Variants in ZBTB7C observed in about 807,000 individuals in gnomAD.
ZBTB7C encodes the protein zinc finger and BTB domain-containing protein 7C.
ZBTB7C carries 8 observed loss-of-function variants against 25.7 expected under a neutral mutation model. The observed-to-expected ratio is 0.31, with a 90% CI of 0.18 to 0.56. The LOEUF (loss-of-function observed/expected upper bound fraction) is 0.56, where lower values mean the gene tolerates loss of function less well. Among genes scored for constraint, ZBTB7C ranks in the 20% least tolerant of loss-of-function variants. ZBTB7C has a pLI of 0.91. For synonymous variants in ZBTB7C, 394 were observed against 369.0 expected, an observed-to-expected ratio of 1.07 and a Z score of -0.78; for missense variants, 824 against 855.2, an observed-to-expected ratio of 0.96 and a Z score of 0.46.
At chr18:48,105,709 T>A (rs1257134544) in intron 3 of ZBTB7C, among the ~76,000 whole-genome samples, 2 of 152,050 alleles carry the variant, frequency 1.3e-5, no homozygotes. Flanking sequence ...TAGATGGGTG[T>A]GGGGAGAGTT....
intron 2 of ZBTB7C, among the ~76,000 whole-genome samples, chr18:48,323,513 G>T (rs2046145523): frequency 6.6e-6 from 1 of 152,188 alleles, no homozygotes; most frequent in African/African-American, 2.4e-5. Context: ...CTTATCCACG[G>T]TCTGTACTCC....
intron 3 of ZBTB7C, among the ~76,000 whole-genome samples, chr18:48,170,421 G>T (rs969284191): frequency 1.3e-5 from 2 of 152,226 alleles, no homozygotes; most frequent in African/African-American, 4.8e-5. Context: ...GAGAGCTGGG[G>T]TCTCTGAGAT....
intron 3 of ZBTB7C, among the ~76,000 whole-genome samples, chr18:48,044,356 G>A (rs935814552): frequency 3.3e-5 from 5 of 152,232 alleles, no homozygotes; most frequent in African/African-American, 1.2e-4. Context: ...GCTGGATGAG[G>A]AGAGAAGCTC....
intron 1 of ZBTB7C, among the ~76,000 whole-genome samples, chr18:48,384,128 T>C (rs1187754540): frequency 1.3e-5 from 2 of 152,168 alleles, no homozygotes; most frequent in Admixed American, 6.5e-5. Flanking sequence ...AACTGCTTCA[T>C]TGACAAAGGT....
At chr18:48,234,368 T>C (rs1042918329) in intron 2 of ZBTB7C, among the ~76,000 whole-genome samples, 1 of 152,172 alleles carries the variant, frequency 6.6e-6, no homozygotes. Flanking sequence ...CAGAAAAAAA[T>C]TGAAAAACAA....
chr18:48,360,838 G>A (rs2047088376), intron 1 of ZBTB7C, among the ~76,000 whole-genome samples: 1 of 152,164 alleles, frequency 6.6e-6, no homozygotes, highest in Admixed American at 6.5e-5. Context: ...GTGGTGGTGG[G>A]TCGCTGGCGG....
intron 2 of ZBTB7C, among the ~76,000 whole-genome samples, chr18:48,218,164 C>T (rs2042869634): frequency 6.6e-6 from 1 of 152,138 alleles, no homozygotes; most frequent in South Asian, 2.1e-4. Flanking sequence ...CGTTCAGCTT[C>T]CCTTGTGGCC....
intron 2 of ZBTB7C, among the ~76,000 whole-genome samples, chr18:48,275,688 A>T (rs771979205): frequency 1.3e-5 from 2 of 152,244 alleles, no homozygotes; most frequent in Non-Finnish European, 2.9e-5. Context: ...TGTAGCATTA[A>T]GGGACCTGAA....
chr18:48,337,520 C>T (rs2046483312), intron 2 of ZBTB7C, among the ~76,000 whole-genome samples: 1 of 152,202 alleles, frequency 6.6e-6, no homozygotes, highest in African/African-American at 2.4e-5. Context: ...GGCTGACTTC[C>T]CTGAATCAAC....
At chr18:48,315,826 C>T (rs967513924) in intron 2 of ZBTB7C, among the ~76,000 whole-genome samples, 1 of 152,154 alleles carries the variant, frequency 6.6e-6, no homozygotes, top group Non-Finnish European at 1.5e-5. Context: ...TAGCTTCTTG[C>T]CCCCTACCCC....
chr18:48,317,662 C>T (rs957396122), intron 2 of ZBTB7C, among the ~76,000 whole-genome samples: 8 of 152,220 alleles, frequency 5.3e-5, no homozygotes, highest in African/African-American at 1.2e-4. Context: ...TGAAACCTCA[C>T]AGCAGCCTCG....
chr18:48,197,155 A>G (rs1171935887), intron 2 of ZBTB7C, among the ~76,000 whole-genome samples: 2 of 152,208 alleles, frequency 1.3e-5, no homozygotes, highest in African/African-American at 2.4e-5. Context: ...TGCTACAGCC[A>G]TTTTGTTACC....
intron 3 of ZBTB7C, among the ~76,000 whole-genome samples, chr18:48,104,766 G>T (rs2038969754): frequency 2.6e-5 from 4 of 152,220 alleles, no homozygotes; most frequent in Admixed American, 2.0e-4. Context: ...GCAAGCTCCA[G>T]GTTTCACTGG....
chr18:48,076,180 G>GA (rs1243590769), intron 3 of ZBTB7C, among the ~76,000 whole-genome samples: 1 of 152,216 alleles, frequency 6.6e-6, no homozygotes, highest in Non-Finnish European at 1.5e-5. Flanking sequence ...CCGCTTCTAT[G>GA]TTCCTAGTGG....
At chr18:48,135,121 T>C (rs565186003) in intron 3 of ZBTB7C, among the ~76,000 whole-genome samples, 1 of 152,124 alleles carries the variant, frequency 6.6e-6, no homozygotes, top group South Asian at 2.1e-4. Flanking sequence ...CCTTTGAGGG[T>C]TGCACTATTA....
chr18:48,198,280 C>T (rs1341992988), intron 2 of ZBTB7C, among the ~76,000 whole-genome samples: 1 of 152,174 alleles, frequency 6.6e-6, no homozygotes, highest in Non-Finnish European at 1.5e-5. Flanking sequence ...CAGTCCTAGA[C>T]CAAGTGCTCC....
chr18:48,118,677 G>A (rs1050087678), intron 3 of ZBTB7C, among the ~76,000 whole-genome samples: 2 of 152,168 alleles, frequency 1.3e-5, no homozygotes, highest in African/African-American at 4.8e-5. Context: ...GTACATTAGC[G>A]TGAGTGAATA....
intron 1 of ZBTB7C, among the ~76,000 whole-genome samples, chr18:48,395,709 T>C (rs2048016293): frequency 6.6e-6 from 1 of 152,086 alleles, no homozygotes; most frequent in South Asian, 2.1e-4. Flanking sequence ...AATGTGTCCT[T>C]TTGTGGTGAA....
chr18:48,070,527 C>T (rs2037503870), intron 3 of ZBTB7C, among the ~76,000 whole-genome samples: 2 of 152,208 alleles, frequency 1.3e-5, no homozygotes, highest in Non-Finnish European at 2.9e-5. Flanking sequence ...CTGGGAAGAG[C>T]TTGCCCCATT....
Sources: allele counts gnomAD v4.1 joint callset (sites outside exome capture counted in the v4.1 genomes callset), GRCh38; gene constraint gnomAD v4.1.1; transcripts MANE v1.5; gene names NCBI Gene and HGNC (gene_info 2026-07-23, HGNC 2026-07-21).